OR51B5: variants seen among roughly 807,000 people sequenced by gnomAD.
OR51B5 encodes the protein olfactory receptor family 51 subfamily B member 5.
For synonymous variants in OR51B5, 186 were observed against 144.8 expected (o/e 1.28, Z -2.04); for missense variants, 456 against 374.6 (o/e 1.22, Z -1.79).
intron 1 of OR51B5, among the ~76,000 whole-genome samples, chr11:5,481,878 A>G (rs1332305755): frequency 7.0e-6 from 1 of 142,538 alleles, no homozygotes; most frequent in Admixed American, 7.0e-5. Context: ...ATGAAAGAAC[A>G]TTCCATGCTC....
chr11:5,453,633 G>A (rs1850892535), intron 1 of OR51B5: 1 of 1,613,798 alleles, frequency 6.2e-7, no homozygotes, highest in East Asian at 2.2e-5. Context: ...CCTGCAGGCT[G>A]TGCGAGTGGA....
At chr11:5,429,829 C>T (rs1422768456) in intron 1 of OR51B5, among the ~76,000 whole-genome samples, 1 of 152,168 alleles carries the variant, frequency 6.6e-6, no homozygotes, top group Non-Finnish European at 1.5e-5. Context: ...AAAATTGAGC[C>T]TGGGATTCTA....
rs189116972 is a variant in OR51B5 at position 5,366,558 on chromosome 11, G to A, written n.85-19648C>T. The stretch of plus-strand genomic sequence containing the variant: ...TGGGAGGCGGAGGTTGCAGTGAGCC[G>A]AGATCGCGCCATTGCACTCCAGCAG... On this transcript the variant is annotated intron_variant and non_coding_transcript_variant, in intron 1 of 4. Transcript: ENST00000415970. 3.9e-5 allele frequency among the ~76,000 whole-genome samples: 6 copies of A among 152,042 alleles called. No homozygotes were observed. The East Asian group carries it at 5.8e-4, about 15-fold the overall frequency.
intron 1 of OR51B5, among the ~76,000 whole-genome samples, chr11:5,393,712 T>C (rs1849829760): frequency 6.6e-6 from 1 of 152,200 alleles, no homozygotes; most frequent in African/African-American, 2.4e-5. Context: ...CATTATTTCA[T>C]TTAATTTTCT....
intron 1 of OR51B5, among the ~76,000 whole-genome samples, chr11:5,399,765 CAAA>C (rs35778548): frequency 1.4e-3 from 202 of 143,400 alleles, no homozygotes; most frequent in Middle Eastern, 3.5e-3. Context: ...GAGAAGGATG[CAAA>C]AAAAAAAAAA....
intron 1 of OR51B5, among the ~76,000 whole-genome samples, chr11:5,458,435 CT>C (rs1170199238): frequency 6.6e-6 from 1 of 152,044 alleles, no homozygotes; most frequent in Non-Finnish European, 1.5e-5. Context: ...CGCTTTGGCT[CT>C]TTGCATTCTT....
At chr11:5,377,760 T>A (rs568214743) in intron 1 of OR51B5, among the ~76,000 whole-genome samples, 4,579 of 148,180 alleles carry the variant, frequency 0.031, 176 homozygotes, top group African/African-American at 0.11. Context: ...ACAAGGGATG[T>A]GAAGGACCTC....
chr11:5,401,730 A>T (rs1362409293), intron 1 of OR51B5, among the ~76,000 whole-genome samples: 1 of 151,366 alleles, frequency 6.6e-6, no homozygotes, highest in Non-Finnish European at 1.5e-5. Context: ...TTAGGGCCAG[A>T]CATCTCCACA....
At chr11:5,360,602 A>G (rs1338958710) in intron 1 of OR51B5, among the ~76,000 whole-genome samples, 1 of 152,116 alleles carries the variant, frequency 6.6e-6, no homozygotes, top group Non-Finnish European at 1.5e-5. Context: ...AGGGATCTAG[A>G]ACTAGAAATA....
intron 1 of OR51B5, among the ~76,000 whole-genome samples, chr11:5,473,532 T>C (rs1456658710): frequency 6.6e-6 from 1 of 152,218 alleles, no homozygotes; most frequent in Non-Finnish European, 1.5e-5. Flanking sequence ...GAAGAGTTAA[T>C]GTGAGAACAA....
At chr11:5,456,420 T>C in intron 1 of OR51B5, 1 of 152,196 alleles carries the variant, frequency 6.6e-6, no homozygotes, top group East Asian at 1.9e-4. Flanking sequence ...GCTCTAATCC[T>C]AAAAAGGTCT....
chr11:5,366,375 G>T (rs971916677), intron 1 of OR51B5, among the ~76,000 whole-genome samples: 3 of 152,116 alleles, frequency 2.0e-5, no homozygotes, highest in Admixed American at 1.3e-4. Flanking sequence ...GGGTGGCTGA[G>T]GCAGGAGGAT....
chr11:5,429,523 A>G (rs1850504095), intron 1 of OR51B5, among the ~76,000 whole-genome samples: 1 of 152,222 alleles, frequency 6.6e-6, no homozygotes, highest in Non-Finnish European at 1.5e-5. Flanking sequence ...CAATCAGCAC[A>G]GTTCCATAAA....
Position 5,494,346 on chromosome 11 carries a change from A to T in OR51B5, n.84+11223T>A, listed in dbSNP as rs550520296. Among the ~76,000 whole-genome samples, 7 of 152,272 alleles carry T rather than the reference A, an allele frequency of 4.6e-5. No individual in the cohort carries two copies. The East Asian group carries it at 1.4e-3, about 29-fold the overall frequency. ...CTCTTCCTCTGTGGACTTTATTGTC[A>T]GTACCTGAATGTCTCCTTCCCAAGC... On this transcript the variant is annotated intron_variant and non_coding_transcript_variant, in intron 1 of 4. Transcript: ENST00000415970.
rs1850115103 is a variant in OR51B5 at position 5,409,749 on chromosome 11, G to GTGGTTC, written n.85-62840_85-62839insGAACCA. ...AGGAGGTACAGAAGCACTATTTCAA[G>GTGGTTC]AGATAATGGTTGAGAATTCCCCTAA... is the stretch of plus-strand genomic sequence containing the variant. On this transcript the variant is annotated intron_variant and non_coding_transcript_variant, in intron 1 of 4. Transcript: ENST00000415970. 2.0e-5 allele frequency among the ~76,000 whole-genome samples: 3 copies of GTGGTTC among 152,202 alleles called. No homozygotes were observed. The South Asian group carries it at 6.2e-4, about 32-fold the overall frequency.
chr11:5,379,740 C>T (rs1310458371), intron 1 of OR51B5, among the ~76,000 whole-genome samples: 4 of 151,980 alleles, frequency 2.6e-5, no homozygotes, highest in East Asian at 3.9e-4. Flanking sequence ...CCTCAAAAAA[C>T]GTTTAATCCA....
chr11:5,353,218 G>C (rs1246173757), intron 1 of OR51B5, among the ~76,000 whole-genome samples: 1 of 152,074 alleles, frequency 6.6e-6, no homozygotes, highest in Non-Finnish European at 1.5e-5. Context: ...GTATCTCTAT[G>C]AGAAATGTGT....
intron 1 of OR51B5, chr11:5,362,526 G>C (rs962013058): frequency 5.0e-5 from 8 of 160,864 alleles, no homozygotes; most frequent in African/African-American, 1.9e-4. Context: ...TACCTAGTCA[G>C]AGAGCAGAGA....
In OR51B5 at chr11:5,369,272, T is replaced by C. The variant is rs377250831; in HGVS notation, n.85-22362A>G. 1.2e-3 allele frequency among the ~76,000 whole-genome samples: 180 copies of C among 152,316 alleles called. 2 individuals are homozygous for C. Among genetic ancestry groups the C allele is most frequent in the African/African-American group, 4.1e-3 (170 of 41,580 alleles). ...TGATAGAAGAAGATATGTATGCCCA[T>C]GTGTGTGGGGTAGTAGAAACAAAGT... On this transcript the variant is annotated intron_variant and non_coding_transcript_variant, in intron 1 of 4. Transcript: ENST00000415970.
Sources: allele counts gnomAD v4.1 joint callset (sites outside exome capture counted in the v4.1 genomes callset), GRCh38; gene constraint gnomAD v4.1.1; transcripts MANE v1.5; gene names NCBI Gene and HGNC (gene_info 2026-07-23, HGNC 2026-07-21).